ATXN2: variants seen among roughly 807,000 people sequenced by gnomAD.
The protein encoded by ATXN2 is ataxin 2, also known as ataxin-2.
ATXN2 carries 37 observed loss-of-function variants against 138.6 expected under a neutral mutation model. That is an observed-to-expected ratio of 0.27 (90% CI 0.21 to 0.35). The LOEUF is 0.35. Ranked by LOEUF, ATXN2 falls within the 10% of genes least tolerant of loss-of-function variation. The pLI is 1.00. For missense variants in ATXN2, 1,216 were observed against 1,480.3 expected (o/e 0.82, Z 2.93); for synonymous variants, 549 against 543.7 (o/e 1.01, Z -0.13).
rs879591154 is a variant in ATXN2 at position 111,573,185 on chromosome 12, T to TTTAA, written c.252-17267_252-17266insTTAA. 1.8e-4 allele frequency among the ~76,000 whole-genome samples: 27 copies of TTTAA among 151,870 alleles called. 1 individual carries two copies. In the South Asian group the frequency reaches 1.9e-3, roughly 11 times the overall value. On this transcript the variant is annotated intron_variant, in intron 1 of 24. Transcript: ENST00000673436. ...TGTTTTCTTCATTATTGTTATTATT[T>TTTAA]TTATTTATTTATTTATTTATTTTTT...
chr12:111,485,522 T>C (rs1843557861), intron 17 of ATXN2, among the ~76,000 whole-genome samples, 191 bp from the exon 18 acceptor site: 1 of 152,164 alleles, frequency 6.6e-6, no homozygotes, highest in Non-Finnish European at 1.5e-5. Context: ...ATCTAAACCA[T>C]CTTTTTCACA....
chr12:111,523,486 G>A (rs1447199043), intron 6 of ATXN2, among the ~76,000 whole-genome samples: 1 of 152,102 alleles, frequency 6.6e-6, no homozygotes, highest in Non-Finnish European at 1.5e-5. Flanking sequence ...CACTTTGGGA[G>A]GCCGAGGTGG....
intron 5 of ATXN2, among the ~76,000 whole-genome samples, chr12:111,542,610 G>C (rs764006437): frequency 6.6e-6 from 1 of 152,166 alleles, no homozygotes; most frequent in African/African-American, 2.4e-5. Flanking sequence ...GGGTTTACAG[G>C]AGTACACCAC....
At chr12:111,539,706 G>A (rs1233227139) in intron 5 of ATXN2, among the ~76,000 whole-genome samples, 1 of 149,154 alleles carries the variant, frequency 6.7e-6, no homozygotes, top group Admixed American at 6.7e-5. Flanking sequence ...CCGAGATCGC[G>A]CTACTGCACT....
chr12:111,554,969 A>G (rs746057067), intron 2 of ATXN2, among the ~76,000 whole-genome samples: 24 of 152,186 alleles, frequency 1.6e-4, no homozygotes, highest in South Asian at 6.2e-4. Flanking sequence ...ATATACGTGT[A>G]TATCTTCCTG....
In ATXN2 at chr12:111,554,879, C is replaced by A. The variant is rs777915834; in HGVS notation, c.289-662G>T. ...GCCAGGTCATACCTTCATAGAAGAACCCTGACTAGGTTCTCCCAGCATATC... is the reference window on the plus strand; with the variant it reads ...GCCAGGTCATACCTTCATAGAAGAAACCTGACTAGGTTCTCCCAGCATATC... On this transcript the variant is annotated intron_variant, in intron 2 of 24. Coordinates refer to ENST00000673436, the MANE Select transcript of ATXN2 (RefSeq NM_001372574.1). 2.8e-4 allele frequency among the ~76,000 whole-genome samples: 43 copies of A among 152,156 alleles called. 1 individual carries two copies. The highest frequency in any genetic ancestry group is 1.0e-4 in the Non-Finnish European group (7 of 68,022).
rs772885925 is a variant in ATXN2, at chr12:111,519,904, G to T, written c.961C>A (p.Arg321Ser). 1 of 1,614,024 alleles carries T rather than the reference G, an allele frequency of 6.2e-7. No individual in the cohort carries two copies. The highest frequency in any genetic ancestry group is 1.7e-5 in the Admixed American group (1 of 60,006). Residue 321 changes from arginine (R) to serine (S), a missense_variant, in exon 8 of 25, where the codon CGT becomes AGT. Transcript: ENST00000673436. Reference protein sequence around the residue: ...YTAVQRNSSEREGHSINTREN... With the variant: ...YTAVQRNSSESEGHSINTREN... ...CTAGTGTTTATGCTGTGCCCCTCAC[G>T]TTCACTGGAATTTCTCTGAACTGCT...
In ATXN2 at chr12:111,457,274, G is replaced by A. The variant is rs772425521; in HGVS notation, c.2982C>T (p.Thr994=). Residue 994 remains threonine (T), a synonymous_variant, in exon 22 of 25, where the codon ACC becomes ACT. Coordinates refer to ENST00000673436, the MANE Select transcript of ATXN2 (RefSeq NM_001372574.1). ...GTTGGCTTTGCTGCTGTCCAGTGGG[G>A]GTAGCTGAAGGCTGAGGGTGTGGAG... The part of the protein sequence containing the change: ...PHTPHPQPSA[T]PTGQQQSQHG... 49 of 1,614,046 alleles carry A rather than the reference G, an allele frequency of 3.0e-5. No homozygotes were observed. Among genetic ancestry groups the A allele is most frequent in the South Asian group, 2.7e-4 (25 of 91,084 alleles).
At chr12:111,599,437 G>A (rs997526699), upstream of ATXN2, 2 of 1,190,396 alleles carry the variant, frequency 1.7e-6, no homozygotes, top group African/African-American at 3.2e-5. Context: ...AGCGCCACCC[G>A]GGCCACCTGG....
intron 1 of ATXN2, among the ~76,000 whole-genome samples, chr12:111,560,120 G>A (rs1057075521): frequency 6.6e-6 from 1 of 152,184 alleles, no homozygotes; most frequent in African/African-American, 2.4e-5. Context: ...AGATCAGTCT[G>A]TGGAGCAGTT....
chr12:111,542,955 T>C (rs1252370080), intron 5 of ATXN2, among the ~76,000 whole-genome samples: 1 of 152,196 alleles, frequency 6.6e-6, no homozygotes, highest in African/African-American at 2.4e-5. Context: ...AATTTCTATA[T>C]ACTCTAAAAA....
At chr12:111,466,334 T>TA (rs1876021886) in intron 20 of ATXN2, among the ~76,000 whole-genome samples, 1 of 150,036 alleles carries the variant, frequency 6.7e-6, no homozygotes, top group Admixed American at 6.7e-5. Context: ...CCATCTCTAC[T>TA]AAACAAAATA....
At chr12:111,569,866 C>G (rs187348401) in intron 1 of ATXN2, among the ~76,000 whole-genome samples, 11 of 152,148 alleles carry the variant, frequency 7.2e-5, no homozygotes, top group Admixed American at 7.2e-4. Flanking sequence ...AAAATCCAAA[C>G]AACTCAGGTA....
intron 6 of ATXN2, among the ~76,000 whole-genome samples, chr12:111,524,439 CAG>C (rs1880366531): frequency 6.6e-6 from 1 of 152,178 alleles, no homozygotes; most frequent in African/African-American, 2.4e-5. Flanking sequence ...ATCCTAAAGA[CAG>C]AGTCTTTATT....
rs781178866 is a variant in ATXN2, at chr12:111,520,040, T to C, written c.825A>G (p.Leu275=). ...ACTGGTTTGCCCTTGCTTCCCGTTTTAAAAATTCTTCTGAGTTATCTCTTT... is the reference window on the plus strand; with the variant it reads ...ACTGGTTTGCCCTTGCTTCCCGTTTCAAAAATTCTTCTGAGTTATCTCTTT... The part of the protein sequence containing the change: ...PLERDNSEEF[L]KREARANQLA... The change falls in exon 8 of 25, where the codon TTA becomes TTG. Residue 275 remains leucine, a synonymous_variant. Coordinates refer to ENST00000673436, the MANE Select transcript of ATXN2 (RefSeq NM_001372574.1). 14 of 1,614,062 alleles carry C rather than the reference T, an allele frequency of 8.7e-6. No homozygotes were observed. The South Asian group carries it at 1.2e-4, about 14-fold the overall frequency.
rs542776001 is a variant in ATXN2 at position 111,574,869 on chromosome 12, G to C, written c.252-18950C>G. On this transcript the variant is annotated intron_variant, in intron 1 of 24. Coordinates refer to ENST00000673436, the MANE Select transcript of ATXN2 (RefSeq NM_001372574.1). ...ATCACTAGTTTTCTTTCTTTCCAGA[G>C]ATCCAAAATACAATGATAGTAACTC... Among the ~76,000 whole-genome samples, 6 of 152,184 alleles carry C rather than the reference G, an allele frequency of 3.9e-5. No individual in the cohort carries two copies. The East Asian group carries it at 1.2e-3, about 29-fold the overall frequency.
rs1186461971 is a variant in ATXN2, at chr12:111,541,420, C to A, written c.571+10860G>T. Among the ~76,000 whole-genome samples, 3 of 139,068 alleles carry A rather than the reference C, an allele frequency of 2.2e-5. 1 individual carries two copies. The highest frequency in any genetic ancestry group is 7.9e-5 in the African/African-American group (3 of 38,148). 91.2% of individuals were successfully genotyped at this position (139,068 alleles called of 152,430 possible). On this transcript the variant is annotated intron_variant, in intron 5 of 24. Coordinates refer to ENST00000673436, the MANE Select transcript of ATXN2 (RefSeq NM_001372574.1). ...AGGCTGGAGTGCAATGGCGCGATCT[C>A]GGCTCACTGCAACCTCCACCTCCCG...
intron 6 of ATXN2, among the ~76,000 whole-genome samples, chr12:111,524,830 T>C (rs1388930748): frequency 6.6e-6 from 1 of 152,198 alleles, no homozygotes; most frequent in Non-Finnish European, 1.5e-5. Flanking sequence ...AGTCAACAAT[T>C]AAGACACCAC....
At chr12:111,543,738 A>G (rs1231719442) in intron 5 of ATXN2, among the ~76,000 whole-genome samples, 3 of 152,340 alleles carry the variant, frequency 2.0e-5, no homozygotes, top group Admixed American at 2.0e-4. Context: ...CTTAGAATAG[A>G]GTACATGGCG....
Sources: gnomAD v4.1 joint callset for allele counts (sites outside exome capture counted in the v4.1 genomes callset) on GRCh38, gnomAD v4.1.1 for gene constraint, MANE v1.5 for transcripts, NCBI Gene and HGNC (gene_info 2026-07-23, HGNC 2026-07-21) for gene names.